Variants in KCNAB1 observed in about 807,000 individuals in gnomAD.
The protein encoded by KCNAB1 is potassium voltage-gated channel subfamily A regulatory beta subunit 1, also known as voltage-gated potassium channel subunit beta-1.
Under a neutral mutation model 64.6 loss-of-function variants are expected in KCNAB1, and 35 were observed. The ratio of observed to expected loss-of-function variants is 0.54; its 90% CI spans 0.41 to 0.72. The LOEUF (loss-of-function observed/expected upper bound fraction) is 0.72, where lower values mean the gene tolerates loss of function less well. KCNAB1 is among the 30% of genes least tolerant of loss of function. The probability of loss-of-function intolerance (pLI) is 0.00; values close to 1 mark genes in which losing one functional copy is unlikely to be tolerated. For missense variants in KCNAB1, 401 were observed against 512.9 expected (o/e 0.78, Z 2.11); for synonymous variants, 177 against 183.8 (o/e 0.96, Z 0.30).
intron 1 of KCNAB1, among the ~76,000 whole-genome samples, chr3:156,413,941 A>G (rs1205277231): frequency 3.3e-5 from 5 of 152,242 alleles, no homozygotes; most frequent in Non-Finnish European, 7.3e-5. Context: ...GACATGGCAC[A>G]TAGAGAAACA....
intron 1 of KCNAB1, among the ~76,000 whole-genome samples, chr3:156,181,778 G>A (rs1031147013): frequency 6.6e-6 from 1 of 152,070 alleles, no homozygotes; most frequent in African/African-American, 2.4e-5. Flanking sequence ...GTCAGTGGAT[G>A]GTTTCATCAT....
At chr3:156,159,998 T>G (rs973507949) in intron 1 of KCNAB1, among the ~76,000 whole-genome samples, 1 of 152,160 alleles carries the variant, frequency 6.6e-6, no homozygotes, top group African/African-American at 2.4e-5. Context: ...ATAATACATA[T>G]AATACTGCTT....
chr3:156,360,182 A>AT (rs1196289345), intron 1 of KCNAB1, among the ~76,000 whole-genome samples: 1 of 152,256 alleles, frequency 6.6e-6, no homozygotes, highest in Non-Finnish European at 1.5e-5. Context: ...AATTATGTAA[A>AT]TTTTGTAATC....
At chr3:156,155,467 A>C (rs1040612737) in intron 1 of KCNAB1, among the ~76,000 whole-genome samples, 3 of 152,226 alleles carry the variant, frequency 2.0e-5, no homozygotes, top group Non-Finnish European at 2.9e-5. Flanking sequence ...TATTTGTGAC[A>C]GGGAGCAGTT....
intron 1 of KCNAB1, chr3:156,291,005 G>C: frequency 1.0e-6 from 1 of 985,628 alleles, no homozygotes; most frequent in South Asian, 4.7e-5. Context: ...GGCGTGTTCC[G>C]CGGCATAAGC....
chr3:156,470,469 A>G (rs1713802637), intron 7 of KCNAB1, among the ~76,000 whole-genome samples: 2 of 152,222 alleles, frequency 1.3e-5, no homozygotes, highest in Admixed American at 6.5e-5. Context: ...CAGCCTGGTC[A>G]TCATAGTGAG....
At chr3:156,275,945 A>C (rs377279797) in intron 1 of KCNAB1, among the ~76,000 whole-genome samples, 12 of 151,916 alleles carry the variant, frequency 7.9e-5, no homozygotes, top group African/African-American at 2.9e-4. Flanking sequence ...TCTTAATGGC[A>C]TCTAGAATGG....
At chr3:156,239,923 A>C (rs1028958661) in intron 1 of KCNAB1, among the ~76,000 whole-genome samples, 3 of 152,190 alleles carry the variant, frequency 2.0e-5, no homozygotes, top group African/African-American at 4.8e-5. Flanking sequence ...GTTGAGGTGG[A>C]AAGAGCTTCA....
chr3:156,477,248 A>G (rs537424066), intron 8 of KCNAB1, among the ~76,000 whole-genome samples: 1 of 152,286 alleles, frequency 6.6e-6, no homozygotes, highest in East Asian at 1.9e-4. Context: ...TTTAGCCTTT[A>G]TGGGAATCAG....
At chr3:156,143,151 T>C (rs1714803832) in intron 1 of KCNAB1, 1 of 1,558,680 alleles carries the variant, frequency 6.4e-7, no homozygotes, top group Non-Finnish European at 8.7e-7. Context: ...ACCGTGCAAT[T>C]AGCTTTGCTT....
At chr3:156,352,248 C>T (rs145629709) in intron 1 of KCNAB1, among the ~76,000 whole-genome samples, 1 of 152,250 alleles carries the variant, frequency 6.6e-6, no homozygotes, top group East Asian at 1.9e-4. Flanking sequence ...CTCTTCCTTC[C>T]TCTGGCTGCC....
intron 1 of KCNAB1, among the ~76,000 whole-genome samples, chr3:156,366,456 C>T (rs976630036): frequency 6.6e-5 from 10 of 152,182 alleles, no homozygotes; most frequent in Admixed American, 2.0e-4. Context: ...GCTCAATAAT[C>T]ATTTGTTAAG....
chr3:156,330,731 C>T (rs1470132344), intron 1 of KCNAB1, among the ~76,000 whole-genome samples: 2 of 152,056 alleles, frequency 1.3e-5, no homozygotes, highest in African/African-American at 2.4e-5. Flanking sequence ...GTTGAGTGAA[C>T]GGAGCTCCAA....
rs34671816 is a variant in KCNAB1 at position 156,338,303 on chromosome 3, C to CTTTTTTTTTTTTTTTTTTTTTTTTTT, written c.276-83311_276-83286dup. Among the ~76,000 whole-genome samples, 17 of 39,486 alleles carry CTTTTTTTTTTTTTTTTTTTTTTTTTT rather than the reference C, an allele frequency of 4.3e-4. 5 individuals are homozygous for CTTTTTTTTTTTTTTTTTTTTTTTTTT. Among genetic ancestry groups the CTTTTTTTTTTTTTTTTTTTTTTTTTT allele is most frequent in the East Asian group, 3.4e-3 (4 of 1,176 alleles). 25.9% of individuals were successfully genotyped at this position (39,486 alleles called of 152,430 possible). Reference sequence around the variant, plus strand: ...TCTTATACTTTCTTTGGCATTTGCACTTTTTTTTTTTTTTTTTTTTTTTTT... The same window carrying CTTTTTTTTTTTTTTTTTTTTTTTTTT: ...TCTTATACTTTCTTTGGCATTTGCACTTTTTTTTTTTTTTTTTTTTTTTTTTTTTTTTTTTTTTTTTTTTTTTTTTT... On this transcript the variant is annotated intron_variant, in intron 1 of 13. Transcript: ENST00000490337.
At chr3:156,302,218 C>A (rs915248143) in intron 1 of KCNAB1, among the ~76,000 whole-genome samples, 1 of 152,152 alleles carries the variant, frequency 6.6e-6, no homozygotes, top group African/African-American at 2.4e-5. Context: ...TCTTAAAGGA[C>A]TGCTGTGATA....
chr3:156,322,174 A>C (rs1036999347), intron 1 of KCNAB1, among the ~76,000 whole-genome samples: 1 of 152,236 alleles, frequency 6.6e-6, no homozygotes, highest in Admixed American at 6.5e-5. Flanking sequence ...CTCCCAGCTC[A>C]TACTCGTCCC....
chr3:156,148,900 GTGTT>G (rs1715220245), intron 1 of KCNAB1, among the ~76,000 whole-genome samples: 1 of 150,830 alleles, frequency 6.6e-6, no homozygotes, highest in Non-Finnish European at 1.5e-5. Flanking sequence ...TACTCAGAAA[GTGTT>G]TGTTTTTCTT....
intron 1 of KCNAB1, among the ~76,000 whole-genome samples, chr3:156,182,868 T>C (rs1187218322): frequency 6.6e-6 from 1 of 151,046 alleles, no homozygotes; most frequent in Non-Finnish European, 1.5e-5. Flanking sequence ...CCAGCTAATA[T>C]TTTGTATTTT....
intron 1 of KCNAB1, among the ~76,000 whole-genome samples, chr3:156,244,194 TC>T (rs2108453286): frequency 6.6e-6 from 1 of 152,334 alleles, no homozygotes; most frequent in South Asian, 2.1e-4. Context: ...CCTGGGAGCT[TC>T]AGGAGAGAAA....
Sources: allele counts gnomAD v4.1 joint callset (sites outside exome capture counted in the v4.1 genomes callset), GRCh38; gene constraint gnomAD v4.1.1; transcripts MANE v1.5; gene names NCBI Gene and HGNC (gene_info 2026-07-23, HGNC 2026-07-21).